The following PCDHA5 variants were observed in gnomAD, a reference collection of about 807,000 sequenced individuals.
The protein encoded by PCDHA5 is protocadherin alpha-5.
PCDHA5 carries 43 observed loss-of-function variants against 61.6 expected under a neutral mutation model. That is an observed-to-expected ratio of 0.70 (90% CI 0.55 to 0.90). PCDHA5 has a LOEUF of 0.90. Ranked by LOEUF, PCDHA5 falls within the 40% of genes least tolerant of loss-of-function variation. PCDHA5 has a pLI of 0.00. For missense variants in PCDHA5, 1,298 were observed against 1,222.7 expected, an observed-to-expected ratio of 1.06 and a Z score of -0.92; for synonymous variants, 627 against 543.9, an observed-to-expected ratio of 1.15 and a Z score of -2.13.
chr5:140,841,344 A>G, intron 1 of PCDHA5: 5 of 1,612,282 alleles, frequency 3.1e-6, no homozygotes, highest in Non-Finnish European at 4.2e-6. Flanking sequence ...TGGCGAGGAG[A>G]GCTGGGATCC....
intron 1 of PCDHA5, among the ~76,000 whole-genome samples, chr5:140,939,170 A>G (rs1554212590): frequency 2.0e-5 from 3 of 152,136 alleles, no homozygotes; most frequent in Admixed American, 1.3e-4. Context: ...GTGTCTGGTA[A>G]TGGCCCACTC....
At chr5:140,846,373 CTTTT>C (rs374699051) in intron 1 of PCDHA5, among the ~76,000 whole-genome samples, 1 of 55,152 alleles carries the variant, frequency 1.8e-5, no homozygotes, top group Admixed American at 2.3e-4. Flanking sequence ...TTCTTTCTTT[CTTTT>C]TTTTTTTTTT....
intron 1 of PCDHA5, among the ~76,000 whole-genome samples, chr5:140,838,389 G>A (rs1775711705): frequency 6.6e-6 from 1 of 150,780 alleles, no homozygotes; most frequent in Non-Finnish European, 1.5e-5. Flanking sequence ...CTCCCAATGT[G>A]CTGGGATTAC....
intron 1 of PCDHA5, among the ~76,000 whole-genome samples, chr5:140,833,310 T>C (rs1772401616): frequency 6.6e-6 from 1 of 152,138 alleles, no homozygotes; most frequent in Non-Finnish European, 1.5e-5. Context: ...CATAATTATT[T>C]TACATGCCAT....
chr5:141,005,701 CAAAAAAAAAAAA>C (rs59860837), intron 3 of PCDHA5, among the ~76,000 whole-genome samples: 139 of 7,794 alleles, frequency 0.018, no homozygotes, highest in African/African-American at 0.055. Context: ...AACTCCGTCT[CAAAAAAAAAAAA>C]AAAAAAAAAA....
intron 1 of PCDHA5, chr5:140,862,642 G>A: frequency 1.8e-6 from 1 of 540,964 alleles, no homozygotes; most frequent in South Asian, 1.4e-5. Context: ...CGACTTCACA[G>A]TGTCCGCGCG....
chr5:140,856,274 G>T, intron 1 of PCDHA5: 1 of 1,598,358 alleles, frequency 6.3e-7, no homozygotes, highest in Non-Finnish European at 8.6e-7. Context: ...CCTTCTGGAG[G>T]TAAATCTGCA....
At chr5:141,007,706 C>T (rs1269578685) in intron 3 of PCDHA5, among the ~76,000 whole-genome samples, 1 of 152,218 alleles carries the variant, frequency 6.6e-6, no homozygotes, top group Non-Finnish European at 1.5e-5. Flanking sequence ...TCCTCTGCCT[C>T]CCACCACCAG....
intron 1 of PCDHA5, among the ~76,000 whole-genome samples, chr5:140,886,080 C>A (rs910230815): frequency 3.7e-4 from 56 of 152,268 alleles, no homozygotes; most frequent in African/African-American, 1.2e-3. Flanking sequence ...CATACCACAA[C>A]CTGGATATTG....
rs532145972 is a variant in PCDHA5 at position 140,957,602 on chromosome 5, C to T, written c.2353-21347C>T. On this transcript the variant is annotated intron_variant, in intron 1 of 3. Transcript: ENST00000529859. Reference sequence around the variant, plus strand: ...TTAACAAAGCACTTCCCAGAATAAACACACAGACATATACATGCACACACT... The same window carrying T: ...TTAACAAAGCACTTCCCAGAATAAATACACAGACATATACATGCACACACT... 3.3e-5 allele frequency among the ~76,000 whole-genome samples: 5 copies of T among 152,174 alleles called. No homozygotes were observed. In the East Asian group the frequency reaches 9.6e-4, roughly 29 times the overall value.
At chr5:140,967,680 G>A in intron 1 of PCDHA5, 4 of 1,614,228 alleles carry the variant, frequency 2.5e-6, no homozygotes, top group South Asian at 1.1e-5. Context: ...GACCGGGAGA[G>A]GCAGCTCTTC....
chr5:140,863,300 C>T (rs1554158081), intron 1 of PCDHA5: 1 of 1,463,972 alleles, frequency 6.8e-7, no homozygotes, highest in Admixed American at 1.8e-5. Flanking sequence ...CTGATCATCG[C>T]CATCTGCGTG....
chr5:140,835,837 A>C, intron 1 of PCDHA5: 1 of 1,612,374 alleles, frequency 6.2e-7, no homozygotes, highest in Non-Finnish European at 8.5e-7. Context: ...GCGGACGCGC[A>C]GAAGAACGCG....
chr5:140,901,301 G>A (rs990062811), intron 1 of PCDHA5, among the ~76,000 whole-genome samples: 11 of 152,112 alleles, frequency 7.2e-5, no homozygotes, highest in Non-Finnish European at 1.5e-4. Flanking sequence ...CTGATGTTCC[G>A]GAGAGTTTCC....
intron 1 of PCDHA5, among the ~76,000 whole-genome samples, chr5:140,872,551 C>T (rs574173970): frequency 6.6e-6 from 1 of 152,178 alleles, no homozygotes; most frequent in East Asian, 1.9e-4. Flanking sequence ...CCCCTGAACC[C>T]AGGGGTTCAG....
At chr5:140,937,370 TTATG>T (rs2091504322) in intron 1 of PCDHA5, among the ~76,000 whole-genome samples, 1 of 152,120 alleles carries the variant, frequency 6.6e-6, no homozygotes, top group South Asian at 2.1e-4. Flanking sequence ...ATCTTAATGT[TTATG>T]TGTGTGTATG....
chr5:140,827,582 C>A (rs1466478514), intron 1 of PCDHA5, among the ~76,000 whole-genome samples: 2 of 152,094 alleles, frequency 1.3e-5, no homozygotes, highest in African/African-American at 4.8e-5. Context: ...ATAGCATGTC[C>A]TAGGAAAGAC....
chr5:140,946,092 G>A (rs985293430), intron 1 of PCDHA5, among the ~76,000 whole-genome samples: 2 of 151,914 alleles, frequency 1.3e-5, no homozygotes, highest in Non-Finnish European at 2.9e-5. Flanking sequence ...CTGATAAGGA[G>A]TTAACATACC....
At chr5:140,903,625 A>T (rs2153481028) in intron 1 of PCDHA5, among the ~76,000 whole-genome samples, 1 of 152,362 alleles carries the variant, frequency 6.6e-6, no homozygotes, top group East Asian at 1.9e-4. Context: ...GTGCATGCAT[A>T]TGTATGCATA....
Sources: allele counts gnomAD v4.1 joint callset (sites outside exome capture counted in the v4.1 genomes callset), GRCh38; gene constraint gnomAD v4.1.1; transcripts MANE v1.5; gene names NCBI Gene and HGNC (gene_info 2026-07-23, HGNC 2026-07-21).